SGSM2: variants seen among roughly 807,000 people sequenced by gnomAD.
SGSM2 encodes the protein small G protein signaling modulator 2, also known as RUN and TBC1 domain containing 1.
In SGSM2, 89 loss-of-function variants were observed where a neutral mutation model predicts 126.6. The ratio of observed to expected loss-of-function variants is 0.70; its 90% CI spans 0.59 to 0.84. SGSM2 has a LOEUF of 0.84. SGSM2 is among the 40% of genes least tolerant of loss of function. SGSM2 has a pLI of 0.00. For synonymous variants in SGSM2, 614 were observed against 574.3 expected (o/e 1.07, Z -0.99); for missense variants, 1,404 against 1,416.6 (o/e 0.99, Z 0.14).
In SGSM2 at chr17:2,362,820, C is replaced by T. The variant is rs2065377916; in HGVS notation, c.459-18C>T. On this transcript the variant is annotated intron_variant, in intron 4 of 23. Coordinates refer to ENST00000268989, the MANE Select transcript of SGSM2 (RefSeq NM_014853.3). This position sits in a 1 kb window ranked among gnomAD's most constrained non-coding sequence, Gnocchi z 4.9. ...GAGCCCCGGAGCCTCGGCAGTCACA[C>T]TGTCTGTCTCCTGGCAGCAAGTACT... is the stretch of plus-strand genomic sequence containing the variant. The T allele has an allele frequency of 6.2e-7, 1 of 1,613,750 alleles. No individual in the cohort carries two copies. The highest frequency in any genetic ancestry group is 8.5e-7 in the Non-Finnish European group (1 of 1,179,966).
rs117713123 is a variant in SGSM2, at chr17:2,365,300, A to G, written c.1247A>G (p.Tyr416Cys). Reference sequence around the variant, plus strand: ...ATGGGCACGGGGCGGGCCACCGACTATGTGTTCCGGATCATCTACCCCGGC... The same window carrying G: ...ATGGGCACGGGGCGGGCCACCGACTGTGTGTTCCGGATCATCTACCCCGGC... ...EEMGTGRATD[Y>C]VFRIIYPGHR... The change falls in exon 11 of 24, where the codon TAT becomes TGT. Residue 416 changes from tyrosine (Y) to cysteine (C), a missense_variant. By Grantham distance (194) the Tyr-to-Cys change is radical. Transcript: ENST00000268989. 5.3e-3 allele frequency: 8,448 copies of G among 1,586,202 alleles called. 30 individuals carry two copies. Among genetic ancestry groups the G allele is most frequent in the Middle Eastern group, 0.013 (76 of 6,020 alleles).
At chr17:2,365,188 CCCGA>C (rs771413251) in intron 10 of SGSM2, 23 bp from the exon 11 acceptor site, 35 of 1,599,976 alleles carry the variant, frequency 2.2e-5, no homozygotes, top group Non-Finnish European at 2.8e-5. Flanking sequence ...CCCTATACAG[CCCGA>C]CCACCTACCC....
At chr17:2,378,001 A>G (rs1208537084) in intron 22 of SGSM2, 48 bp downstream of exon 22, 1 of 1,197,248 alleles carries the variant, frequency 8.4e-7, no homozygotes, top group African/African-American at 1.5e-5. Context: ...ACAGTGAGAG[A>G]TCCCTCTTCC....
rs2065968902 is a variant in SGSM2 at position 2,373,314 on chromosome 17, G to A, written c.1918-17G>A. On this transcript the variant is annotated splice_polypyrimidine_tract_variant and intron_variant, in intron 16 of 23. Transcript: ENST00000268989. ...GGTGCACGCTTCCCCCATGGTCGTG[G>A]TGTGGTCTGAGTACAGGTGGACGCA... 1 of 1,605,888 alleles carries A rather than the reference G, an allele frequency of 6.2e-7. No individual in the cohort carries two copies. Among genetic ancestry groups the A allele is most frequent in the Non-Finnish European group, 8.5e-7 (1 of 1,175,108 alleles).
intron 17 of SGSM2, 151 bp from the exon 18 acceptor site, chr17:2,375,341 G>C (rs966800247): frequency 2.1e-6 from 2 of 970,182 alleles, no homozygotes; most frequent in African/African-American, 3.3e-5. Flanking sequence ...TCAGAAGCTG[G>C]CTTGGTGCCC....
At chr17:2,374,131 C>T (rs1194727443) in intron 17 of SGSM2, 1 of 152,270 alleles carries the variant, frequency 6.6e-6, no homozygotes, top group Non-Finnish European at 1.5e-5. Context: ...AAGTTCTAAA[C>T]TGTGACTGCC....
At chr17:2,349,773 T>C (rs2064767164) in intron 2 of SGSM2, among the ~76,000 whole-genome samples, 1 of 150,484 alleles carries the variant, frequency 6.6e-6, no homozygotes, top group African/African-American at 2.4e-5. Flanking sequence ...TGGTTGGAAT[T>C]TTCCCTAGTG....
chr17:2,377,601 G>C (rs1462194917), intron 21 of SGSM2: 1 of 336,778 alleles, frequency 3.0e-6, no homozygotes, highest in Non-Finnish European at 5.5e-6. Flanking sequence ...GATGACATCA[G>C]ACACCCAGAA....
chr17:2,374,938 T>C (rs1012639056), intron 17 of SGSM2: 9 of 152,528 alleles, frequency 5.9e-5, no homozygotes, highest in African/African-American at 2.2e-4. Flanking sequence ...GTGGACTGTA[T>C]CTAGGAGGCA....
chr17:2,378,309 C>G (rs1328746261), intron 22 of SGSM2, among the ~76,000 whole-genome samples: 3 of 152,108 alleles, frequency 2.0e-5, no homozygotes, highest in Non-Finnish European at 4.4e-5. Flanking sequence ...GGTGCGGTGG[C>G]TCATGCCTGT....
In SGSM2 at chr17:2,361,608, C is replaced by T. The variant is rs770133637; in HGVS notation, c.134-29C>T. On this transcript the variant is annotated intron_variant, in intron 2 of 23. Coordinates refer to ENST00000268989, the MANE Select transcript of SGSM2 (RefSeq NM_014853.3). ...TTCCTGCTCCCCCGTCTTTCCCAGG[C>T]TCAGATGCCGTTTCCCTTTGTGGCC... 1.1e-5 allele frequency: 18 copies of T among 1,610,040 alleles called. No homozygotes were observed. In the East Asian group the frequency reaches 1.8e-4, roughly 16 times the overall value.
intron 2 of SGSM2, among the ~76,000 whole-genome samples, chr17:2,347,521 T>C (rs1002316860): frequency 6.6e-6 from 1 of 152,058 alleles, no homozygotes; most frequent in Non-Finnish European, 1.5e-5. Flanking sequence ...GTTTACATTT[T>C]TCTCTATCAT....
chr17:2,376,829 G>C lies in SGSM2; in HGVS notation c.2692+14G>C. 6.2e-7 allele frequency: 1 copy of C among 1,613,962 alleles called. No individual in the cohort carries two copies. Among genetic ancestry groups the C allele is most frequent in the African/African-American group, 1.3e-5 (1 of 75,056 alleles). On this transcript the variant is annotated intron_variant, in intron 20 of 23. Coordinates refer to ENST00000268989, the MANE Select transcript of SGSM2 (RefSeq NM_014853.3). ...CCCTCGACAATGGTGAGGGATGGCG[G>C]GACATGGGACTGGGCTGCGTAAGCT...
At chr17:2,377,185 T>C in intron 21 of SGSM2, 117 bp downstream of exon 21, 2 of 679,380 alleles carry the variant, frequency 2.9e-6, no homozygotes, top group Non-Finnish European at 4.9e-6. Context: ...ACTTCTTTCA[T>C]TTTAAAAGAC....
intron 12 of SGSM2, among the ~76,000 whole-genome samples, chr17:2,370,433 T>C (rs75695549): frequency 0.075 from 11,478 of 152,270 alleles, 641 homozygotes; most frequent in African/African-American, 0.15. Flanking sequence ...TAGCTGTGTC[T>C]AAGGAGTCAT....
chr17:2,362,687 G>A lies in SGSM2; in HGVS notation c.459-151G>A, dbSNP rs1335797223. 9 of 777,834 alleles carry A rather than the reference G, an allele frequency of 1.2e-5. No homozygotes were observed. Among genetic ancestry groups the A allele is most frequent in the Non-Finnish European group, 1.9e-5 (9 of 473,314 alleles). The allele number at this position is 777,834 out of a possible 1,614,324, so 48.2% of individuals were successfully genotyped here. ...TGCCCTCAAGGCATTGGCCATACCA[G>A]GCACCTCACGAAGCCCAGTCCCTAA... is the stretch of plus-strand genomic sequence containing the variant. On this transcript the variant is annotated intron_variant, in intron 4 of 23. Transcript: ENST00000268989. The surrounding 1 kb of genome is among the most constrained non-coding windows in gnomAD (Gnocchi z 4.9).
chr17:2,340,896 TC>T (rs1338315952), intron 1 of SGSM2, among the ~76,000 whole-genome samples: 3 of 152,142 alleles, frequency 2.0e-5, no homozygotes, highest in Non-Finnish European at 4.4e-5. Context: ...GTGTTTAATT[TC>T]TACAGAAACA....
rs2064156953 is a variant in SGSM2, at chr17:2,337,953, G to A, written c.57+208G>A. On this transcript the variant is annotated intron_variant, in intron 1 of 23. Transcript: ENST00000268989. This position sits in a 1 kb window ranked among gnomAD's most constrained non-coding sequence, Gnocchi z 5.1. Reference sequence around the variant, plus strand: ...CCCGGGGGACCCGGCCGGCGCTCCCGGCTTGTTTGCTTCGCAGCCCCGCAG... The same window carrying A: ...CCCGGGGGACCCGGCCGGCGCTCCCAGCTTGTTTGCTTCGCAGCCCCGCAG... Among the ~76,000 whole-genome samples the A allele has an allele frequency of 1.3e-5, 2 of 151,990 alleles. No homozygotes were observed. The highest frequency in any genetic ancestry group is 4.1e-4 in the South Asian group (2 of 4,830).
rs570382694 is a variant in SGSM2, at chr17:2,380,672, T to G, written c.*1152T>G. 1.7e-5 allele frequency: 6 copies of G among 347,740 alleles called. No individual in the cohort carries two copies. Among genetic ancestry groups the G allele is most frequent in the African/African-American group, 1.1e-4 (5 of 47,198 alleles). 21.5% of individuals were successfully genotyped at this position (347,740 alleles called of 1,614,324 possible). A position where few individuals can be genotyped will look rare whatever the true frequency, so the allele number is the denominator to read the frequency against. On this transcript the variant is annotated 3_prime_UTR_variant, in exon 24 of 24. Transcript: ENST00000268989. ...TTGCTCGGCCATCCCCACTTCCTCC[T>G]CTACCCCAACACATGCAGGCTAGGC...
Sources: allele counts gnomAD v4.1 joint callset (sites outside exome capture counted in the v4.1 genomes callset), GRCh38; gene constraint gnomAD v4.1.1; non-coding constraint Gnocchi (gnomAD v3.1); transcripts MANE v1.5; gene names NCBI Gene and HGNC (gene_info 2026-07-23, HGNC 2026-07-21).